Variants in PPME1 observed in about 807,000 individuals in gnomAD.
PPME1 encodes the protein protein phosphatase methylesterase 1, also known as testicular secretory protein Li 39.
Under a neutral mutation model 56.9 loss-of-function variants are expected in PPME1, and 17 were observed. The ratio of observed to expected loss-of-function variants is 0.30; its 90% CI spans 0.20 to 0.45. The LOEUF is 0.45. Ranked by LOEUF, PPME1 falls within the 20% of genes least tolerant of loss-of-function variation. PPME1 has a pLI of 1.00. For synonymous variants in PPME1, 122 were observed against 156.2 expected, an observed-to-expected ratio of 0.78 and a Z score of 1.63; for missense variants, 357 against 483.2, an observed-to-expected ratio of 0.74 and a Z score of 2.45.
chr11:74,230,843 GT>G lies in PPME1; in HGVS notation c.554-67del. The G allele has an allele frequency of 8.7e-7, 1 of 1,147,966 alleles. No homozygotes were observed. The highest frequency in any genetic ancestry group is 1.3e-6 in the Non-Finnish European group (1 of 780,246). 71.1% of individuals were successfully genotyped at this position (1,147,966 alleles called of 1,614,324 possible). A position where few individuals can be genotyped will look rare whatever the true frequency, so the allele number is the denominator to read the frequency against. ...TGTCATCAAGAGCAGATATATAGTA[GT>G]TGACTCAGTAAGTGTAAATGCTCAG... On this transcript the variant is annotated intron_variant, in intron 6 of 13. Coordinates refer to ENST00000328257, the MANE Select transcript of PPME1 (RefSeq NM_016147.3). The surrounding 1 kb of genome is among the most constrained non-coding windows in gnomAD (Gnocchi z 4.9).
chr11:74,180,737 A>G (rs1857510051), intron 1 of PPME1, among the ~76,000 whole-genome samples: 1 of 152,246 alleles, frequency 6.6e-6, no homozygotes, highest in Non-Finnish European at 1.5e-5. Flanking sequence ...CCTGAAAGCA[A>G]GTCCACTATT....
intron 1 of PPME1, among the ~76,000 whole-genome samples, chr11:74,172,881 G>A (rs1040591154): frequency 2.6e-5 from 4 of 152,142 alleles, no homozygotes; most frequent in African/African-American, 9.7e-5. Context: ...AGTAATATGT[G>A]TAAAAACTTA....
chr11:74,211,325 C>T (rs879743686), intron 3 of PPME1, among the ~76,000 whole-genome samples: 16 of 151,726 alleles, frequency 1.1e-4, no homozygotes, highest in Non-Finnish European at 2.1e-4. Context: ...CTAGGAATAA[C>T]CAAGATAATT....
chr11:74,229,968 A>G (rs574436497), intron 5 of PPME1, among the ~76,000 whole-genome samples: 3 of 152,378 alleles, frequency 2.0e-5, no homozygotes, highest in South Asian at 4.1e-4. Flanking sequence ...ATTGTACTAC[A>G]TATGTGGAAC....
At chr11:74,251,792 T>C in intron 13 of PPME1, 77 bp downstream of exon 13, 2 of 1,555,612 alleles carry the variant, frequency 1.3e-6, no homozygotes, top group Non-Finnish European at 1.8e-6. Context: ...GGACTGTAAA[T>C]ATCTCTGCCT....
chr11:74,216,504 A>G (rs1297245291), intron 3 of PPME1, among the ~76,000 whole-genome samples: 1 of 152,172 alleles, frequency 6.6e-6, no homozygotes, highest in Non-Finnish European at 1.5e-5. Flanking sequence ...TACTAAAAGG[A>G]AAGTTTATAG....
In PPME1 at chr11:74,203,713, C is replaced by CTTT; in HGVS notation, c.102-9_102-7dup. 6.3e-7 allele frequency: 1 copy of CTTT among 1,591,594 alleles called. No individual in the cohort carries two copies. Among genetic ancestry groups the CTTT allele is most frequent in the Non-Finnish European group, 8.6e-7 (1 of 1,167,010 alleles). On this transcript the variant is annotated splice_polypyrimidine_tract_variant and intron_variant, in intron 1 of 13. Transcript: ENST00000328257. ...CATAATTTTTCTGAAATGTCTCTCTCTTTTTTTTCCTCAGCCCTGGAAGAA... is the reference window on the plus strand; with the variant it reads ...CATAATTTTTCTGAAATGTCTCTCTCTTTTTTTTTTTCCTCAGCCCTGGAAGAA...
chr11:74,202,969 A>AT (rs1858212195), intron 1 of PPME1, among the ~76,000 whole-genome samples: 1 of 152,270 alleles, frequency 6.6e-6, no homozygotes, highest in South Asian at 2.1e-4. Flanking sequence ...ATATATATGA[A>AT]TCTTGGAATT....
chr11:74,184,989 C>CTTTTTT (rs559947122), intron 1 of PPME1, among the ~76,000 whole-genome samples: 11 of 95,744 alleles, frequency 1.1e-4, no homozygotes, highest in Admixed American at 3.7e-4. Context: ...TGAAGTATGT[C>CTTTTTT]TTTTTTTTTT....
chr11:74,213,338 C>G (rs1858531445), intron 3 of PPME1, among the ~76,000 whole-genome samples: 1 of 152,166 alleles, frequency 6.6e-6, no homozygotes, highest in South Asian at 2.1e-4. Context: ...CAGGTAGATT[C>G]CTAAGGTTTC....
intron 3 of PPME1, among the ~76,000 whole-genome samples, chr11:74,209,202 G>T (rs940355561): frequency 6.6e-6 from 1 of 152,084 alleles, no homozygotes; most frequent in Non-Finnish European, 1.5e-5. Flanking sequence ...GACCTCCTGG[G>T]CTCAAGTGAT....
chr11:74,231,039 T>C, intron 7 of PPME1, 37 bp downstream of exon 7: 1 of 1,453,558 alleles, frequency 6.9e-7, no homozygotes. Context: ...ATTTAATTAA[T>C]TTGTTTGTTT....
At chr11:74,173,591 G>C (rs914687483) in intron 1 of PPME1, among the ~76,000 whole-genome samples, 1 of 151,970 alleles carries the variant, frequency 6.6e-6, no homozygotes, top group Non-Finnish European at 1.5e-5. Flanking sequence ...GCCCAGGCTA[G>C]AGTGCAGTGG....
chr11:74,253,043 G>A (rs1240565935), intron 13 of PPME1, among the ~76,000 whole-genome samples: 3 of 152,174 alleles, frequency 2.0e-5, no homozygotes, highest in Admixed American at 6.5e-5. Context: ...CTCTCAGAAA[G>A]TTTGCAGAAG....
In PPME1 at chr11:74,253,343, G is replaced by A. The variant is rs897115432; in HGVS notation, c.1143-149G>A. The A allele has an allele frequency of 7.9e-6, 6 of 757,530 alleles. No individual in the cohort carries two copies. The African/African-American group carries it at 1.0e-4, about 13-fold the overall frequency. 46.9% of individuals were successfully genotyped at this position (757,530 alleles called of 1,614,324 possible). On this transcript the variant is annotated intron_variant, in intron 13 of 13. Transcript: ENST00000328257. ...GAGCAGCACACTGAGAGCAGACCCT[G>A]GGTCCAGCTCTGGTCAGGGCTGTGA...
At chr11:74,252,339 C>T (rs1040430321) in intron 13 of PPME1, 201 of 418,884 alleles carry the variant, frequency 4.8e-4, no homozygotes, top group Admixed American at 7.8e-4. Context: ...CCACCCGCAT[C>T]GGCCTCCTAA....
chr11:74,183,315 A>G (rs1487370596), intron 1 of PPME1, among the ~76,000 whole-genome samples: 1 of 152,162 alleles, frequency 6.6e-6, no homozygotes, highest in African/African-American at 2.4e-5. Context: ...ACAACAACAA[A>G]AAAAGTAAGA....
At chr11:74,171,723 C>T (rs1857238245) in intron 1 of PPME1, among the ~76,000 whole-genome samples, 1 of 151,970 alleles carries the variant, frequency 6.6e-6, no homozygotes, top group Non-Finnish European at 1.5e-5. Context: ...GGAAAAATAA[C>T]GTTGTTGAAG....
chr11:74,181,269 C>T (rs184205065), intron 1 of PPME1, among the ~76,000 whole-genome samples: 2,535 of 151,044 alleles, frequency 0.017, 36 homozygotes, highest in African/African-American at 0.03. Context: ...AGGATGGTCT[C>T]GATCTCCTGA....
Sources: allele counts gnomAD v4.1 joint callset (sites outside exome capture counted in the v4.1 genomes callset), GRCh38; gene constraint gnomAD v4.1.1; non-coding constraint Gnocchi (gnomAD v3.1); transcripts MANE v1.5; gene names NCBI Gene and HGNC (gene_info 2026-07-23, HGNC 2026-07-21).